NREP: variants seen among roughly 807,000 people sequenced by gnomAD.
NREP encodes neuronal regeneration-related protein.
NREP carries 5 observed loss-of-function variants against 8.6 expected under a neutral mutation model. The ratio of observed to expected loss-of-function variants is 0.58; its 90% CI spans 0.30 to 1.22. The LOEUF (loss-of-function observed/expected upper bound fraction) is 1.22, where lower values mean the gene tolerates loss of function less well. NREP is among the 50% of genes most tolerant of loss of function. The pLI, the probability that NREP is intolerant of heterozygous loss-of-function variation, is 0.07. For synonymous variants in NREP, 27 were observed against 28.0 expected, an observed-to-expected ratio of 0.96 and a Z score of 0.11; for missense variants, 86 against 82.5, an observed-to-expected ratio of 1.04 and a Z score of -0.17.
intron 2 of NREP, among the ~76,000 whole-genome samples, chr5:111,839,816 AT>A (rs1460566840): frequency 2.0e-5 from 3 of 152,054 alleles, no homozygotes; most frequent in Non-Finnish European, 2.9e-5. Context: ...TCTGCATAGT[AT>A]TTTTTACAAA....
intron 1 of NREP, chr5:111,756,108 G>A: frequency 8.9e-7 from 1 of 1,120,906 alleles, no homozygotes; most frequent in East Asian, 5.0e-5. Context: ...AAAAGGTTTA[G>A]CAACTTAAAA....
intron 2 of NREP, among the ~76,000 whole-genome samples, chr5:111,901,549 T>C (rs1474068328): frequency 1.3e-5 from 2 of 152,018 alleles, no homozygotes; most frequent in Non-Finnish European, 1.5e-5. Context: ...GACATGATCT[T>C]ATATATAGAA....
intron 2 of NREP, among the ~76,000 whole-genome samples, chr5:111,871,848 A>C (rs549946764): frequency 6.8e-6 from 1 of 146,856 alleles, no homozygotes; most frequent in Non-Finnish European, 1.5e-5. Context: ...AGTACAGACT[A>C]TATATATATA....
chr5:111,921,406 T>C (rs1263039463), intron 2 of NREP, among the ~76,000 whole-genome samples: 3 of 152,124 alleles, frequency 2.0e-5, no homozygotes, highest in African/African-American at 7.2e-5. Context: ...TTGTCATATC[T>C]CAGAGGCCTG....
intron 2 of NREP, among the ~76,000 whole-genome samples, chr5:111,749,283 C>G (rs1212631094): frequency 6.6e-6 from 1 of 152,074 alleles, no homozygotes; most frequent in East Asian, 1.9e-4. Context: ...GCAATGCTTA[C>G]CTATGTCACT....
At chr5:111,776,087 C>T (rs1352961479) in intron 2 of NREP, among the ~76,000 whole-genome samples, 6 of 151,988 alleles carry the variant, frequency 3.9e-5, no homozygotes. Context: ...AGCCTCAAAC[C>T]CTGCCAGGAG....
At chr5:111,812,757 C>T (rs1752298615) in intron 2 of NREP, among the ~76,000 whole-genome samples, 1 of 152,102 alleles carries the variant, frequency 6.6e-6, no homozygotes, top group Admixed American at 6.5e-5. Context: ...ATAGTAATTA[C>T]AGTCACTATA....
At chr5:111,816,691 TA>T (rs1752392179) in intron 2 of NREP, among the ~76,000 whole-genome samples, 1 of 146,006 alleles carries the variant, frequency 6.8e-6, no homozygotes, top group Non-Finnish European at 1.5e-5. Context: ...GATAAAATGA[TA>T]AAAATAATTC....
intron 2 of NREP, among the ~76,000 whole-genome samples, chr5:111,803,239 A>G (rs1247976102): frequency 6.6e-6 from 1 of 152,192 alleles, no homozygotes; most frequent in Non-Finnish European, 1.5e-5. Flanking sequence ...AGATGCTTGA[A>G]GTTATGAGAG....
intron 2 of NREP, among the ~76,000 whole-genome samples, chr5:111,925,618 G>C (rs1245186139): frequency 6.6e-6 from 1 of 152,086 alleles, no homozygotes; most frequent in Admixed American, 6.5e-5. Context: ...TGTACTTTAG[G>C]ACTAGCTGTC....
chr5:111,791,584 C>G (rs1425817691), intron 2 of NREP, among the ~76,000 whole-genome samples: 1 of 152,112 alleles, frequency 6.6e-6, no homozygotes, highest in Admixed American at 6.5e-5. Context: ...GCCCAACGAT[C>G]TTCCCTTCTC....
chr5:111,976,700 C>T (rs1162281712), intron 1 of NREP: 1 of 1,549,144 alleles, frequency 6.5e-7, no homozygotes, highest in Non-Finnish European at 8.7e-7. Context: ...GTAAGTTATT[C>T]TTCACATACC....
At chr5:111,790,245 C>A (rs1322887059) in intron 2 of NREP, among the ~76,000 whole-genome samples, 1 of 150,682 alleles carries the variant, frequency 6.6e-6, no homozygotes. Context: ...CCAGGACATC[C>A]TAAATACATG....
At chr5:111,919,206 C>G (rs1028585676) in intron 2 of NREP, among the ~76,000 whole-genome samples, 3 of 152,080 alleles carry the variant, frequency 2.0e-5, no homozygotes, top group African/African-American at 7.2e-5. Context: ...GAATGGCAAT[C>G]ATTAGCAAGT....
At chr5:111,853,531 C>T (rs1260061986) in intron 2 of NREP, among the ~76,000 whole-genome samples, 1 of 151,948 alleles carries the variant, frequency 6.6e-6, no homozygotes, top group Non-Finnish European at 1.5e-5. Context: ...TTAATTTTTT[C>T]ATAAATCTAA....
chr5:111,768,939 C>T (rs553969050), intron 2 of NREP, among the ~76,000 whole-genome samples: 2 of 152,316 alleles, frequency 1.3e-5, no homozygotes, highest in Admixed American at 1.3e-4. Flanking sequence ...AATCTCCAAA[C>T]TGTTTTCCAC....
At chr5:111,749,406 G>A (rs547408573) in intron 2 of NREP, among the ~76,000 whole-genome samples, 2 of 151,612 alleles carry the variant, frequency 1.3e-5, no homozygotes, top group African/African-American at 4.9e-5. Context: ...GTAACATTCT[G>A]TGCTATTTAT....
At chr5:111,819,455 G>A (rs768156396) in intron 2 of NREP, among the ~76,000 whole-genome samples, 23 of 152,110 alleles carry the variant, frequency 1.5e-4, no homozygotes, top group South Asian at 4.2e-4. Context: ...TCTGCAAGTC[G>A]TACCCTTCTA....
chr5:111,871,053 C>CGTGTGT (rs34667486), intron 2 of NREP, among the ~76,000 whole-genome samples: 11,159 of 142,490 alleles, frequency 0.078, 546 homozygotes, highest in African/African-American at 0.1. Context: ...GAACCAATGG[C>CGTGTGT]GTGTGTGTGT....
Sources: allele counts gnomAD v4.1 joint callset (sites outside exome capture counted in the v4.1 genomes callset), GRCh38; gene constraint gnomAD v4.1.1; transcripts MANE v1.5; gene names NCBI Gene and HGNC (gene_info 2026-07-23, HGNC 2026-07-21).